The following S1PR5 variants were observed in gnomAD, a reference collection of about 807,000 sequenced individuals.
S1PR5 encodes sphingosine-1-phosphate receptor 5, also known as sphingosine 1-phosphate receptor 5.
For missense variants in S1PR5, 583 were observed against 571.7 expected, an observed-to-expected ratio of 1.02 and a Z score of -0.20; for synonymous variants, 307 against 284.7, an observed-to-expected ratio of 1.08 and a Z score of -0.79.
Position 10,514,664 on chromosome 19 carries a change from G to C in S1PR5, c.348C>G (p.Phe116Leu). 1 of 1,606,542 alleles carries C rather than the reference G, an allele frequency of 6.2e-7. No individual in the cohort carries two copies. Among genetic ancestry groups the C allele is most frequent in the East Asian group, 2.2e-5 (1 of 44,692 alleles). ...TCAGCACGGACGCAGTGAGTGCCAC[G>C]AAGACGCCTCCCTCCCGTGCGAACC... ...ALWFAREGGVFVALTASVLSL... is the reference protein window; with the variant it reads ...ALWFAREGGVLVALTASVLSL... The change falls in exon 2 of 2, where the codon TTC becomes TTG. Residue 116 changes from phenylalanine to leucine, a missense_variant. Transcript: ENST00000333430.
upstream of S1PR5, chr19:10,517,452 G>A (rs1599502551): frequency 3.0e-6 from 3 of 985,604 alleles, no homozygotes; most frequent in Middle Eastern, 5.2e-4. Flanking sequence ...CCGAGTGAGC[G>A]GACGCCGCTC....
chr19:10,516,065 G>C (rs1336115524), intron 1 of S1PR5, among the ~76,000 whole-genome samples: 1 of 152,022 alleles, frequency 6.6e-6, no homozygotes, highest in Non-Finnish European at 1.5e-5. Context: ...AAAACACACA[G>C]TCACACACTA....
intron 1 of S1PR5, among the ~76,000 whole-genome samples, chr19:10,515,549 G>T (rs1026842445): frequency 1.3e-5 from 2 of 152,056 alleles, no homozygotes; most frequent in Admixed American, 1.3e-4. Context: ...GGAGGCGGAG[G>T]TTGCAGTGAG....
intron 1 of S1PR5, among the ~76,000 whole-genome samples, chr19:10,515,494 TC>T: frequency 6.6e-6 from 1 of 152,142 alleles, no homozygotes; most frequent in South Asian, 2.1e-4. Flanking sequence ...GTGCCTGTAG[TC>T]CCAGCTACTC....
At position 10,514,057 on chromosome 19, in the gene S1PR5, G is replaced by T; in HGVS notation, c.955C>A (p.Arg319Ser). 1 of 1,612,284 alleles carries T rather than the reference G, an allele frequency of 6.2e-7. No individual in the cohort carries two copies. Among genetic ancestry groups the T allele is most frequent in the East Asian group, 2.2e-5 (1 of 44,870 alleles). ...TNRDLRHALL[R>S]LVCCGRHSCG... ...GAGTGGCGTCCGCAGCAGACCAGGCGCAGGAGCGCGTGGCGCAGGTCGCGG... is the reference window on the plus strand; with the variant it reads ...GAGTGGCGTCCGCAGCAGACCAGGCTCAGGAGCGCGTGGCGCAGGTCGCGG... The change falls in exon 2 of 2, where the codon CGC becomes AGC. Residue 319 changes from arginine to serine, a missense_variant. Physicochemically the swap from Arg to Ser is moderately radical, Grantham distance 110. Transcript: ENST00000333430.
Position 10,513,770 on chromosome 19 carries a change from G to C in S1PR5, c.*45C>G. 1 of 1,593,376 alleles carries C rather than the reference G, an allele frequency of 6.3e-7. No individual in the cohort carries two copies. Among genetic ancestry groups the C allele is most frequent in the Non-Finnish European group, 8.5e-7 (1 of 1,172,450 alleles). ...TCCTACAAATTCCTTTATGTAAAAA[G>C]AACAAGTCTGTAAAACTTGGGAAGA... On this transcript the variant is annotated 3_prime_UTR_variant, in exon 2 of 2. Transcript: ENST00000333430.
At position 10,514,983 on chromosome 19, in the gene S1PR5, G is replaced by A. The variant is rs773755164; in HGVS notation, c.29C>T (p.Pro10Leu). 8 of 1,577,526 alleles carry A rather than the reference G, an allele frequency of 5.1e-6. No individual in the cohort carries two copies. The highest frequency in any genetic ancestry group is 2.3e-5 in the South Asian group (2 of 88,134). The change falls in exon 2 of 2, where the codon CCG becomes CTG. Residue 10 changes from proline (P) to leucine (L), a missense_variant. Pro to Leu is a moderately conservative substitution (Grantham distance 98). Transcript: ENST00000333430. MESGLLRPAPVSEVIVLHYN... is the reference protein window; with the variant it reads MESGLLRPALVSEVIVLHYN... ...ATGCAGGACGATGACCTCGCTCACCGGCGCCGGCCGCAGCAGCCCCGACTC... is the reference window on the plus strand; with the variant it reads ...ATGCAGGACGATGACCTCGCTCACCAGCGCCGGCCGCAGCAGCCCCGACTC...
At chr19:10,515,856 G>A (rs1199324311) in intron 1 of S1PR5, among the ~76,000 whole-genome samples, 1 of 151,548 alleles carries the variant, frequency 6.6e-6, no homozygotes, top group Admixed American at 6.6e-5. Flanking sequence ...TGAGCCCGCG[G>A]GGTCAAGGCT....
chr19:10,515,323 C>T (rs545245349), intron 1 of S1PR5, among the ~76,000 whole-genome samples: 3 of 151,624 alleles, frequency 2.0e-5, no homozygotes, highest in Admixed American at 1.3e-4. Flanking sequence ...CTGTAATCCC[C>T]GCCTGTAATC....
chr19:10,516,212 C>A (rs1263792075), intron 1 of S1PR5, among the ~76,000 whole-genome samples: 1 of 152,172 alleles, frequency 6.6e-6, no homozygotes, highest in Non-Finnish European at 1.5e-5. Context: ...TCCACTCACA[C>A]TAGCCTGGGG....
chr19:10,515,134 C>G lies in S1PR5; in HGVS notation c.-18-105G>C, dbSNP rs571490310. On this transcript the variant is annotated intron_variant, in intron 1 of 1. Coordinates refer to ENST00000333430, the MANE Select transcript of S1PR5 (RefSeq NM_030760.5). ...GGGCCCTACCCACTGACCATCACCCCCTATACATGGTGTCCAAGGGGGAGT... is the reference window on the plus strand; with the variant it reads ...GGGCCCTACCCACTGACCATCACCCGCTATACATGGTGTCCAAGGGGGAGT... 76 of 1,430,408 alleles carry G rather than the reference C, an allele frequency of 5.3e-5. No individual in the cohort carries two copies. The South Asian group carries it at 1.0e-3, about 19-fold the overall frequency. The allele number at this position is 1,430,408 out of a possible 1,614,324, so 88.6% of individuals were successfully genotyped here. A position where few individuals can be genotyped will look rare whatever the true frequency, so the allele number is the denominator to read the frequency against.
chr19:10,517,566 C>T, upstream of S1PR5: 1 of 985,458 alleles, frequency 1.0e-6, no homozygotes, highest in Non-Finnish European at 1.2e-6. Context: ...GGCACTCAGC[C>T]CATGGCTGCC....
In S1PR5 at chr19:10,514,824, C is replaced by A. The variant is rs753991379; in HGVS notation, c.188G>T (p.Arg63Leu). The change falls in exon 2 of 2, where the codon CGC becomes CTC. Residue 63 changes from arginine to leucine, a missense_variant. Coordinates refer to ENST00000333430, the MANE Select transcript of S1PR5 (RefSeq NM_030760.5). ...CATGGGAGCGTGGAAGCGCGGGTGG[C>A]GTCCGAGCACCAACAACACGGCTAG... ...ENLAVLLVLG[R>L]HPRFHAPMFL... 7.4e-6 allele frequency: 12 copies of A among 1,612,780 alleles called. No homozygotes were observed. Among genetic ancestry groups the A allele is most frequent in the Non-Finnish European group, 1.0e-5 (12 of 1,179,684 alleles).
chr19:10,514,637 G>C lies in S1PR5; in HGVS notation c.375C>G (p.Ser125Arg). ...TGCGCTCCAGCGCGATGGCCAGGAG[G>C]CTCAGCACGGACGCAGTGAGTGCCA... The part of the protein sequence containing the change: ...VFVALTASVL[S>R]LLAIALERSL... Residue 125 changes from serine (S) to arginine (R), a missense_variant, in exon 2 of 2, where the codon AGC becomes AGG. By Grantham distance (110) the Ser-to-Arg change is moderately radical (BLOSUM62 -1). Coordinates refer to ENST00000333430, the MANE Select transcript of S1PR5 (RefSeq NM_030760.5). 1 of 1,599,522 alleles carries C rather than the reference G, an allele frequency of 6.3e-7. No individual in the cohort carries two copies. Among genetic ancestry groups the C allele is most frequent in the Non-Finnish European group, 8.5e-7 (1 of 1,175,326 alleles).
chr19:10,514,972 C>T lies in S1PR5; in HGVS notation c.40G>A (p.Val14Ile), dbSNP rs1915397219. ...GTGTAGTTGTAATGCAGGACGATGA[C>T]CTCGCTCACCGGCGCCGGCCGCAGC... ...GLLRPAPVSE[V>I]IVLHYNYTGK... Residue 14 changes from valine (V) to isoleucine (I), a missense_variant, in exon 2 of 2, where the codon GTC becomes ATC. Physicochemically the swap from Val to Ile is conservative, Grantham distance 29 (BLOSUM62 3). Transcript: ENST00000333430. 6.3e-7 allele frequency: 1 copy of T among 1,586,338 alleles called. No homozygotes were observed. Among genetic ancestry groups the T allele is most frequent in the Non-Finnish European group, 8.6e-7 (1 of 1,169,190 alleles).
chr19:10,517,630 G>A, upstream of S1PR5: 1 of 985,408 alleles, frequency 1.0e-6, no homozygotes, highest in Non-Finnish European at 1.2e-6. Context: ...GACTGGCACA[G>A]GCGAGCCCTC....
At chr19:10,517,343 C>A in intron 1 of S1PR5, 55 bp downstream of exon 1, 3 of 982,206 alleles carry the variant, frequency 3.1e-6, no homozygotes, top group Non-Finnish European at 3.6e-6. Context: ...CAGGGCGACC[C>A]CCTCCGGGTC....
At chr19:10,515,657 G>A (rs1383650321) in intron 1 of S1PR5, among the ~76,000 whole-genome samples, 1 of 152,024 alleles carries the variant, frequency 6.6e-6, no homozygotes, top group African/African-American at 2.4e-5. Flanking sequence ...GCTGGGTGTG[G>A]TGGCTCACTC....
intron 1 of S1PR5, among the ~76,000 whole-genome samples, chr19:10,516,571 C>T (rs1015716175): frequency 6.9e-6 from 1 of 145,118 alleles, no homozygotes; most frequent in Admixed American, 7.2e-5. Flanking sequence ...CGCACCCCTG[C>T]TCTCCAGCCT....
Sources: allele counts gnomAD v4.1 joint callset (sites outside exome capture counted in the v4.1 genomes callset), GRCh38; gene constraint gnomAD v4.1.1; transcripts MANE v1.5; gene names NCBI Gene and HGNC (gene_info 2026-07-23, HGNC 2026-07-21).